RTL1: variants seen among roughly 807,000 people sequenced by gnomAD.
The protein encoded by RTL1 is retrotransposon-like protein 1.
For synonymous variants in RTL1, 727 were observed against 748.4 expected (o/e 0.97, Z 0.47); for missense variants, 1,681 against 1,767.5 (o/e 0.95, Z 0.88).
In RTL1 at chr14:100,881,041, C is replaced by T. The variant is rs1174427606; in HGVS notation, c.3748G>A (p.Asp1250Asn). 1.2e-6 allele frequency: 2 copies of T among 1,600,240 alleles called. No homozygotes were observed. The highest frequency in any genetic ancestry group is 1.7e-6 in the Non-Finnish European group (2 of 1,173,444). ...TCCTGCGAGGTGTCTTGCAGGCCGT[C>T]ATGCAGGCCACACTGACGGTAACGT... The part of the protein sequence containing the change: ...LQRYRQCGLH[D>N]GLQDTSQDKQ... Residue 1250 changes from aspartate (D) to asparagine (N), a missense_variant, in exon 4 of 4, where the codon GAC becomes AAC. Physicochemically the swap from Asp to Asn is conservative, Grantham distance 23 (BLOSUM62 1). Transcript: ENST00000649591. The surrounding 1 kb of genome is among the most constrained non-coding windows in gnomAD (Gnocchi z 6.6).
At chr14:100,884,961 G>T in intron 3 of RTL1, 87 bp from the exon 4 acceptor site, 1 of 579,836 alleles carries the variant, frequency 1.7e-6, no homozygotes, top group Non-Finnish European at 3.0e-6. Flanking sequence ...GGACAAATCA[G>T]ATGCCCAACT....
rs776645769 is a variant in RTL1 at position 100,884,402 on chromosome 14, C to T, written c.387G>A (p.Ser129=). Residue 129 remains serine, a synonymous_variant, in exon 4 of 4, where the codon TCG becomes TCA. Coordinates refer to ENST00000649591, the MANE Select transcript of RTL1 (RefSeq NM_001134888.3). ...DRMKEASVNP[S]GAREEQEAHT... is the part of the protein sequence containing the mutation. ...GAGCCTCTTGTTCTTCTCGGGCTCC[C>T]GATGGGTTGACTGATGCTTCTTTCA... The T allele has an allele frequency of 1.7e-5, 27 of 1,603,486 alleles. No homozygotes were observed. The East Asian group carries it at 2.0e-4, about 12-fold the overall frequency.
Position 100,890,074 on chromosome 14 carries a change from G to GGAAAAAAAAAA in RTL1, c.-87+3369_-87+3370insTTTTTTTTTTC, listed in dbSNP as rs554899525. On this transcript the variant is annotated intron_variant, in intron 3 of 3. Coordinates refer to ENST00000649591, the MANE Select transcript of RTL1 (RefSeq NM_001134888.3). ...TGATTTGAAAATTCCCGCCTTATTT[G>GGAAAAAAAAAA]AAAAAAAAAAAAAAAAAAAGAAGCC... Among the ~76,000 whole-genome samples, 1,093 of 123,694 alleles carry GGAAAAAAAAAA rather than the reference G, an allele frequency of 8.8e-3. 28 individuals carry two copies. Among genetic ancestry groups the GGAAAAAAAAAA allele is most frequent in the Non-Finnish European group, 0.013 (783 of 59,870 alleles). The allele number at this position is 123,694 out of a possible 152,430, so 81.1% of individuals were successfully genotyped here.
chr14:100,901,385 C>G (rs1017099165), intron 2 of RTL1, among the ~76,000 whole-genome samples: 6 of 152,330 alleles, frequency 3.9e-5, no homozygotes, highest in African/African-American at 4.8e-5. Context: ...CAGAACAGAG[C>G]CTTGTCTAGC....
rs1442651450 is a variant in RTL1 at position 100,884,455 on chromosome 14, C to T, written c.334G>A (p.Asp112Asn). The change falls in exon 4 of 4, where the codon GAT becomes AAT. Residue 112 changes from aspartate (D) to asparagine (N), a missense_variant. Coordinates refer to ENST00000649591, the MANE Select transcript of RTL1 (RefSeq NM_001134888.3). The stretch of plus-strand genomic sequence containing the variant: ...CTATCAGATGCTCCACTGAGTGGAT[C>T]CCCCCTTGCCTGGTGTGAACCGTTG... ...SCNGSHQARG[D>N]PLSGASDRMK... The T allele has an allele frequency of 2.5e-6, 4 of 1,614,076 alleles. No homozygotes were observed. The highest frequency in any genetic ancestry group is 2.2e-5 in the East Asian group (1 of 44,882).
Position 100,883,487 on chromosome 14 carries a change from G to C in RTL1, c.1302C>G (p.Asp434Glu), listed in dbSNP as rs1370163599. Residue 434 changes from aspartate to glutamate, a missense_variant, in exon 4 of 4, where the codon GAC becomes GAG. Physicochemically the swap from Asp to Glu is conservative, Grantham distance 45. Transcript: ENST00000649591. The surrounding 1 kb of genome is among the most constrained non-coding windows in gnomAD (Gnocchi z 5.9). ...CGAACTTCTCATCCATGAAGTTGCCGTCAGCTCCCGAATCCACCAGGGCCT... is the reference window on the plus strand; with the variant it reads ...CGAACTTCTCATCCATGAAGTTGCCCTCAGCTCCCGAATCCACCAGGGCCT... ...AVQALVDSGA[D>E]GNFMDEKFAQ... 3 of 1,551,398 alleles carry C rather than the reference G, an allele frequency of 1.9e-6. No individual in the cohort carries two copies. The highest frequency in any genetic ancestry group is 1.2e-5 in the South Asian group (1 of 84,062).
chr14:100,883,306 C>T lies in RTL1; in HGVS notation c.1483G>A (p.Val495Ile), dbSNP rs2038646648. ...ACCACAGAGAAGTTCGGTGAAGGTA[C>T]GATGTCAAATTCGATGGACTCCTGG... ...NHQESIEFDI[V>I]PSPNFSVVLG... The change falls in exon 4 of 4, where the codon GTA becomes ATA. Residue 495 changes from valine to isoleucine, a missense_variant. Val to Ile is a conservative substitution (Grantham distance 29). Transcript: ENST00000649591. The surrounding 1 kb of genome is among the most constrained non-coding windows in gnomAD (Gnocchi z 5.9). 3 of 1,551,058 alleles carry T rather than the reference C, an allele frequency of 1.9e-6. No individual in the cohort carries two copies. Among genetic ancestry groups the T allele is most frequent in the Non-Finnish European group, 2.6e-6 (3 of 1,146,780 alleles).
chr14:100,882,557 C>T lies in RTL1; in HGVS notation c.2232G>A (p.Glu744=). 1 of 1,551,772 alleles carries T rather than the reference C, an allele frequency of 6.4e-7. No individual in the cohort carries two copies. The highest frequency in any genetic ancestry group is 2.0e-5 in the Admixed American group (1 of 51,008). Residue 744 remains glutamate (E), a synonymous_variant, in exon 4 of 4, where the codon GAG becomes GAA. Transcript: ENST00000649591. ...GGACTTGGCGGACGTGGTGGAGGTG[C>T]TCCTCCTGACTCATTGAGTAGATCA... ...EVLIYSMSQE[E]HLHHVRQVLV...
At chr14:100,898,856 A>G (rs971072665) in intron 2 of RTL1, 6 of 152,238 alleles carry the variant, frequency 3.9e-5, no homozygotes, top group Admixed American at 2.6e-4. Context: ...GGGATGCCTC[A>G]TTGACATTTT....
At chr14:100,902,126 C>T (rs939802975) in intron 2 of RTL1, among the ~76,000 whole-genome samples, 16 of 152,210 alleles carry the variant, frequency 1.1e-4, no homozygotes, top group Non-Finnish European at 2.2e-4. Flanking sequence ...GGAGCTCCCT[C>T]TCTCCCCAGG....
rs1200485006 is a variant in RTL1, at chr14:100,879,791, T to A, written c.*921A>T. 1.4e-5 allele frequency among the ~76,000 whole-genome samples: 2 copies of A among 143,554 alleles called. No individual in the cohort carries two copies. The highest frequency in any genetic ancestry group is 4.6e-4 in the East Asian group (2 of 4,312). The allele number at this position is 143,554 out of a possible 152,430, so 94.2% of individuals were successfully genotyped here. A position where few individuals can be genotyped will look rare whatever the true frequency, so the allele number is the denominator to read the frequency against. ...CTTTATTTGAGGAGTGCAAAAAGAT[T>A]GGGGGGTGAGAAAGCTCGGGGGGTG... On this transcript the variant is annotated 3_prime_UTR_variant, in exon 4 of 4. Coordinates refer to ENST00000649591, the MANE Select transcript of RTL1 (RefSeq NM_001134888.3).
Position 100,882,970 on chromosome 14 carries a change from A to G in RTL1, c.1819T>C (p.Phe607Leu). 6.2e-7 allele frequency: 1 copy of G among 1,614,056 alleles called. No individual in the cohort carries two copies. The highest frequency in any genetic ancestry group is 8.5e-7 in the Non-Finnish European group (1 of 1,180,006). The change falls in exon 4 of 4, where the codon TTT becomes CTT. Residue 607 changes from phenylalanine to leucine, a missense_variant. Transcript: ENST00000649591. Reference protein sequence around the residue: ...QAGDSDHSETFYECPSTAPWE... With the variant: ...QAGDSDHSETLYECPSTAPWE... ...GGCGCGGTGGAGGGACACTCGTAAA[A>G]GGTCTCGCTGTGATCACTGTCTCCA...
In RTL1 at chr14:100,881,537, C is replaced by G; in HGVS notation, c.3252G>C (p.Leu1084=). Residue 1084 remains leucine (L), a synonymous_variant, in exon 4 of 4, where the codon CTG becomes CTC. Transcript: ENST00000649591. The surrounding 1 kb of genome is among the most constrained non-coding windows in gnomAD (Gnocchi z 6.6). The stretch of plus-strand genomic sequence containing the variant: ...CCAGGGCTAGGGTGTTCTTCCAGTA[C>G]AGGAGGCCTCGGAAGAAGTGCAGAA... ...AVILHFFRGL[L]YWKNTLALAA... 6.4e-7 allele frequency: 1 copy of G among 1,551,732 alleles called. No individual in the cohort carries two copies.
At chr14:100,898,073 G>A (rs2038893612) in intron 2 of RTL1, 2 of 412,000 alleles carry the variant, frequency 4.9e-6, no homozygotes, top group Non-Finnish European at 1.0e-5. Context: ...CACCATTGTT[G>A]ATTACACTCT....
Position 100,882,188 on chromosome 14 carries a change from G to T in RTL1, c.2601C>A (p.His867Gln), listed in dbSNP as rs893527216. ...AGAATGGGTTCTGGGGCTTGGGGTG[G>T]TGGAGGAGAGGCGCCTTGCGGAAAG... ...KRAFRKAPLL[H>Q]HPKPQNPFYL... is the part of the protein sequence containing the mutation. The change falls in exon 4 of 4, where the codon CAC becomes CAA. Residue 867 changes from histidine to glutamine, a missense_variant. Coordinates refer to ENST00000649591, the MANE Select transcript of RTL1 (RefSeq NM_001134888.3). The T allele has an allele frequency of 1.1e-5, 17 of 1,550,372 alleles. No homozygotes were observed. Among genetic ancestry groups the T allele is most frequent in the Non-Finnish European group, 1.5e-5 (17 of 1,146,990 alleles).
chr14:100,883,437 T>C lies in RTL1; in HGVS notation c.1352A>G (p.Tyr451Cys), dbSNP rs1201158021. Reference sequence around the variant, plus strand: ...GACCGGCTGTGGGTACGGCTTCTCGTAGAGCTCGACGTAGTGCTCTTGGGC... The same window carrying C: ...GACCGGCTGTGGGTACGGCTTCTCGCAGAGCTCGACGTAGTGCTCTTGGGC... ...KFAQEHYVELYEKPYPQPVQS... is the reference protein window; with the variant it reads ...KFAQEHYVELCEKPYPQPVQS... The change falls in exon 4 of 4, where the codon TAC (tyrosine) becomes TGC (cysteine). Residue 451 changes from tyrosine to cysteine, a missense_variant. Tyr to Cys is a radical substitution (Grantham distance 194). Transcript: ENST00000649591. This position sits in a 1 kb window ranked among gnomAD's most constrained non-coding sequence, Gnocchi z 5.9. The C allele has an allele frequency of 1.3e-6, 2 of 1,550,484 alleles. No homozygotes were observed. The highest frequency in any genetic ancestry group is 8.7e-7 in the Non-Finnish European group (1 of 1,146,284).
rs772065378 is a variant in RTL1, at chr14:100,881,137, G to A, written c.3652C>T (p.Arg1218Cys). ...CCAACGACGTGCAGCTCCAGGTAGC[G>A]GTTCTGACGCAGGGCAGGGAGGTGG... ...EGHLPALRQN[R>C]YLELHVVGDE... The change falls in exon 4 of 4, where the codon CGC (arginine) becomes TGC (cysteine). Residue 1218 changes from arginine (R) to cysteine (C), a missense_variant. Physicochemically the swap from Arg to Cys is radical, Grantham distance 180. Coordinates refer to ENST00000649591, the MANE Select transcript of RTL1 (RefSeq NM_001134888.3). The surrounding 1 kb of genome is among the most constrained non-coding windows in gnomAD (Gnocchi z 6.6). The A allele has an allele frequency of 1.3e-5, 20 of 1,559,598 alleles. No homozygotes were observed. The highest frequency in any genetic ancestry group is 1.7e-4 in the Middle Eastern group (1 of 6,006).
chr14:100,896,147 C>G (rs1424218490), intron 2 of RTL1, among the ~76,000 whole-genome samples: 1 of 151,982 alleles, frequency 6.6e-6, no homozygotes, highest in Non-Finnish European at 1.5e-5. Context: ...AAACTCAGTC[C>G]AAACTAAAAT....
At position 100,880,758 on chromosome 14, in the gene RTL1, C is replaced by T; in HGVS notation, c.4031G>A (p.Arg1344Lys). ...GTCCTCATCAGGCAGCTCTTCTAGC[C>T]TTGCCTGCTCCCTGGGCTGGCTCTC... ...AWESQPREQARLEELPDEDED... is the reference protein window; with the variant it reads ...AWESQPREQAKLEELPDEDED... Residue 1344 changes from arginine (R) to lysine (K), a missense_variant, in exon 4 of 4, where the codon AGG (arginine) becomes AAG (lysine). Coordinates refer to ENST00000649591, the MANE Select transcript of RTL1 (RefSeq NM_001134888.3). The T allele has an allele frequency of 6.4e-7, 1 of 1,550,908 alleles. No individual in the cohort carries two copies. Among genetic ancestry groups the T allele is most frequent in the Non-Finnish European group, 8.7e-7 (1 of 1,146,972 alleles).
Sources: gnomAD v4.1 joint callset for allele counts (sites outside exome capture counted in the v4.1 genomes callset) on GRCh38, gnomAD v4.1.1 for gene constraint, Gnocchi (gnomAD v3.1) non-coding constraint, MANE v1.5 for transcripts, NCBI Gene and HGNC (gene_info 2026-07-23, HGNC 2026-07-21) for gene names.